Variants in TAFA2 observed in about 807,000 individuals in gnomAD.
TAFA2 encodes the protein chemokine-like protein TAFA-2.
Under a neutral mutation model 18.8 loss-of-function variants are expected in TAFA2, and 7 were observed. The ratio of observed to expected loss-of-function variants is 0.37; its 90% CI spans 0.21 to 0.70. The LOEUF (loss-of-function observed/expected upper bound fraction) is 0.70. TAFA2 is among the 30% of genes least tolerant of loss of function. TAFA2 has a pLI of 0.53. For missense variants in TAFA2, 122 were observed against 158.1 expected (o/e 0.77, Z 1.23); for synonymous variants, 60 against 54.2 (o/e 1.11, Z -0.47).
rs145725728 is a variant in TAFA2 at position 62,027,181 on chromosome 12, T to C, written c.-1-159755A>G. ...AATTTAAAATATGTAAATGAAAATG[T>C]TCTATGCTGGACCAAGGATTTGCAT... On this transcript the variant is annotated intron_variant, in intron 1 of 4. Transcript: ENST00000416284. Among the ~76,000 whole-genome samples the C allele has an allele frequency of 5.1e-4, 78 of 152,282 alleles. 2 individuals carry two copies. In the East Asian group the frequency reaches 0.013, roughly 26 times the overall value.
chr12:62,054,313 G>A (rs1479569319), intron 1 of TAFA2, among the ~76,000 whole-genome samples: 2 of 152,162 alleles, frequency 1.3e-5, no homozygotes, highest in African/African-American at 4.8e-5. Flanking sequence ...AGTCTTTTCA[G>A]CCCTTTTCAC....
chr12:62,065,287 G>A (rs1882455448), intron 1 of TAFA2, among the ~76,000 whole-genome samples: 1 of 152,116 alleles, frequency 6.6e-6, no homozygotes, highest in Non-Finnish European at 1.5e-5. Flanking sequence ...CCTGAGCACA[G>A]AACATCAGTC....
At chr12:62,012,793 G>T (rs1030132241) in intron 1 of TAFA2, among the ~76,000 whole-genome samples, 1 of 151,892 alleles carries the variant, frequency 6.6e-6, no homozygotes, top group African/African-American at 2.4e-5. Context: ...ACACTCAGAA[G>T]AAAAAAAATA....
At chr12:61,961,042 C>T (rs1016795578) in intron 1 of TAFA2, among the ~76,000 whole-genome samples, 6 of 151,862 alleles carry the variant, frequency 4.0e-5, no homozygotes, top group African/African-American at 9.7e-5. Flanking sequence ...CATTACCTTC[C>T]GCCATGATTG....
chr12:62,030,547 A>G (rs1881430005), intron 1 of TAFA2, among the ~76,000 whole-genome samples: 6 of 152,196 alleles, frequency 3.9e-5, no homozygotes, highest in Admixed American at 3.9e-4. Flanking sequence ...TTCTACTCCC[A>G]AGCCTAGTGG....
At chr12:61,767,426 G>A (rs1565627143) in intron 2 of TAFA2, among the ~76,000 whole-genome samples, 1 of 151,996 alleles carries the variant, frequency 6.6e-6, no homozygotes, top group Admixed American at 6.6e-5. Context: ...AACTTTTACT[G>A]TTTCCTGTAT....
chr12:61,886,577 G>C (rs1174255952), intron 1 of TAFA2, among the ~76,000 whole-genome samples: 1 of 152,130 alleles, frequency 6.6e-6, no homozygotes, highest in Non-Finnish European at 1.5e-5. Context: ...ACACAAGTTA[G>C]GCCTGATTCC....
intron 2 of TAFA2, among the ~76,000 whole-genome samples, chr12:61,784,246 C>T (rs929481002): frequency 4.0e-5 from 6 of 151,618 alleles, no homozygotes; most frequent in Admixed American, 4.0e-4. Flanking sequence ...AGGAGACTGC[C>T]TCCCACTTTA....
intron 1 of TAFA2, among the ~76,000 whole-genome samples, chr12:61,978,168 G>A (rs1430818316): frequency 2.0e-5 from 3 of 151,964 alleles, no homozygotes. Flanking sequence ...CTCAGTAGGA[G>A]ACTATGTGGA....
intron 1 of TAFA2, among the ~76,000 whole-genome samples, chr12:61,975,096 T>C (rs1270497772): frequency 6.6e-6 from 1 of 151,898 alleles, no homozygotes; most frequent in East Asian, 1.9e-4. Context: ...AGTGAAATGA[T>C]TGCTACAGTC....
At chr12:62,045,838 C>T (rs184685953) in intron 1 of TAFA2, among the ~76,000 whole-genome samples, 21 of 152,162 alleles carry the variant, frequency 1.4e-4, no homozygotes, top group African/African-American at 4.8e-4. Context: ...CATACATAAC[C>T]AACAGCAAGG....
At chr12:61,847,157 C>T (rs1873441770) in intron 2 of TAFA2, among the ~76,000 whole-genome samples, 1 of 152,166 alleles carries the variant, frequency 6.6e-6, no homozygotes, top group Admixed American at 6.6e-5. Flanking sequence ...TTAAGAAGAA[C>T]TTTTCTGTAT....
chr12:62,035,253 C>T (rs977504403), intron 1 of TAFA2, among the ~76,000 whole-genome samples: 4 of 152,180 alleles, frequency 2.6e-5, no homozygotes, highest in Admixed American at 6.5e-5. Context: ...ATGCTGGCCA[C>T]TGAGGGAACC....
At chr12:61,999,691 T>C (rs1218233722) in intron 1 of TAFA2, among the ~76,000 whole-genome samples, 1 of 152,158 alleles carries the variant, frequency 6.6e-6, no homozygotes, top group Admixed American at 6.5e-5. Flanking sequence ...TATCCCAGAA[T>C]TGTTGAGAAA....
At chr12:61,745,113 C>G (rs796939661) in intron 4 of TAFA2, among the ~76,000 whole-genome samples, 13 of 152,074 alleles carry the variant, frequency 8.5e-5, no homozygotes, top group African/African-American at 3.1e-4. Context: ...AAAAAGTCTA[C>G]CTACTCTTCT....
chr12:62,254,001 A>G (rs1306406182), intron 1 of TAFA2, among the ~76,000 whole-genome samples: 1 of 152,244 alleles, frequency 6.6e-6, no homozygotes, highest in African/African-American at 2.4e-5. Flanking sequence ...ACATTGTTTT[A>G]TCCCTAAGAA....
At chr12:62,181,177 C>T (rs2062549598) in intron 1 of TAFA2, among the ~76,000 whole-genome samples, 1 of 152,120 alleles carries the variant, frequency 6.6e-6, no homozygotes, top group Non-Finnish European at 1.5e-5. Context: ...CACATACACA[C>T]ACGCGTGTGC....
chr12:61,787,556 A>C (rs1299334847), intron 2 of TAFA2, among the ~76,000 whole-genome samples: 1 of 151,694 alleles, frequency 6.6e-6, no homozygotes, highest in African/African-American at 2.4e-5. Context: ...AGCAACAAAA[A>C]TGTAAATTGT....
At chr12:61,800,422 G>A (rs561154606) in intron 2 of TAFA2, among the ~76,000 whole-genome samples, 1 of 152,156 alleles carries the variant, frequency 6.6e-6, no homozygotes, top group Admixed American at 6.5e-5. Context: ...ATTCAATAAT[G>A]GAAATCAGAA....
Sources: allele counts gnomAD v4.1 joint callset (sites outside exome capture counted in the v4.1 genomes callset), GRCh38; gene constraint gnomAD v4.1.1; transcripts MANE v1.5; gene names NCBI Gene and HGNC (gene_info 2026-07-23, HGNC 2026-07-21).